DNTT: variants seen among roughly 807,000 people sequenced by gnomAD.
DNTT encodes DNA nucleotidylexotransferase, also known as nucleosidetriphosphate:DNA deoxynucleotidylexotransferase.
Under a neutral mutation model 60.9 loss-of-function variants are expected in DNTT, and 47 were observed. The observed-to-expected ratio is 0.77, with a 90% CI of 0.61 to 0.98. The LOEUF (loss-of-function observed/expected upper bound fraction) is 0.98, where lower values mean the gene tolerates loss of function less well. DNTT is among the 50% of genes least tolerant of loss of function. DNTT has a pLI of 0.00. For missense variants in DNTT, 665 were observed against 627.5 expected (o/e 1.06, Z -0.64); for synonymous variants, 224 against 221.2 (o/e 1.01, Z -0.11).
intron 1 of DNTT, among the ~76,000 whole-genome samples, chr10:96,313,729 T>C (rs1844749359): frequency 6.6e-6 from 1 of 152,228 alleles, no homozygotes; most frequent in South Asian, 2.1e-4. Flanking sequence ...TGCCAGTATT[T>C]ATTGTTGGTT....
Position 96,329,591 on chromosome 10 carries a change from G to A in DNTT, c.1113+761G>A, listed in dbSNP as rs796560006. Among the ~76,000 whole-genome samples the A allele has an allele frequency of 1.6e-4, 25 of 152,302 alleles. 1 individual carries two copies. Among genetic ancestry groups the A allele is most frequent in the African/African-American group, 6.0e-4 (25 of 41,562 alleles). Reference sequence around the variant, plus strand: ...CTGTTTGGTGTGGACCAAGCTTACTGATATCCCAGAAAAGGAAAACCTCAG... The same window carrying A: ...CTGTTTGGTGTGGACCAAGCTTACTAATATCCCAGAAAAGGAAAACCTCAG... On this transcript the variant is annotated intron_variant, in intron 8 of 10. Transcript: ENST00000371174.
chr10:96,320,762 G>A lies in DNTT; in HGVS notation c.652G>A (p.Gly218Arg), dbSNP rs1226882727. ...GGACACAGAAGGAATTCCCTGCCTG[G>A]GGTCCAAGGTGAAGGGTATCATAGA... ...MKDTEGIPCL[G>R]SKVKGIIEEI... The change falls in exon 4 of 11, where the codon GGG becomes AGG. Residue 218 changes from glycine (G) to arginine (R), a missense_variant. Coordinates refer to ENST00000371174, the MANE Select transcript of DNTT (RefSeq NM_004088.4). 5.0e-6 allele frequency: 8 copies of A among 1,613,738 alleles called. No homozygotes were observed. The Admixed American group carries it at 1.2e-4, about 24-fold the overall frequency.
intron 1 of DNTT, among the ~76,000 whole-genome samples, chr10:96,307,703 G>GTATATATATATATATATATATA (rs1344781767): frequency 8.5e-5 from 3 of 35,288 alleles, no homozygotes; most frequent in African/African-American, 2.6e-4. Context: ...GTGTGTGTGT[G>GTATATATATATATATATATATA]TGTATATATA....
At chr10:96,333,065 T>C (rs1564875330) in intron 9 of DNTT, among the ~76,000 whole-genome samples, 1 of 152,116 alleles carries the variant, frequency 6.6e-6, no homozygotes, top group Non-Finnish European at 1.5e-5. Flanking sequence ...CTGCACATCA[T>C]ACATCACATA....
At position 96,332,390 on chromosome 10, in the gene DNTT, G is replaced by T; in HGVS notation, c.1153G>T (p.Glu385Ter). 1 of 1,614,126 alleles carries T rather than the reference G, an allele frequency of 6.2e-7. No homozygotes were observed. The highest frequency in any genetic ancestry group is 1.1e-5 in the South Asian group (1 of 91,066). Reference protein sequence around the residue: ...LYYDLVESTFEKLRLPSRKVD... With the variant: ...LYYDLVESTF ...TTATGACCTTGTGGAGTCAACATTTGAAAAGCTCAGGTTGCCTAGCAGGAA... is the reference window on the plus strand; with the variant it reads ...TTATGACCTTGTGGAGTCAACATTTTAAAAGCTCAGGTTGCCTAGCAGGAA... The change falls in exon 9 of 11, where the codon GAA becomes TAA. Residue 385 changes from glutamate to a stop codon, truncating the protein, a stop_gained. Coordinates refer to ENST00000371174, the MANE Select transcript of DNTT (RefSeq NM_004088.4). LOFTEE classifies it high-confidence loss of function.
intron 5 of DNTT, among the ~76,000 whole-genome samples, chr10:96,323,616 C>T (rs1295754472): frequency 6.6e-6 from 1 of 152,076 alleles, no homozygotes; most frequent in East Asian, 1.9e-4. Context: ...TCTTAAAGAG[C>T]AGATTTGTGT....
intron 1 of DNTT, among the ~76,000 whole-genome samples, chr10:96,313,597 A>G (rs1337979234): frequency 6.6e-6 from 1 of 152,192 alleles, no homozygotes; most frequent in African/African-American, 2.4e-5. Context: ...CTGTGATTAC[A>G]TTGCCTACTG....
At position 96,304,694 on chromosome 10, in the gene DNTT, A is replaced by T. The variant is rs754044431; in HGVS notation, c.197A>T (p.Glu66Val). 6.8e-6 allele frequency: 11 copies of T among 1,613,886 alleles called. No homozygotes were observed. The Admixed American group carries it at 1.8e-4, about 27-fold the overall frequency. ...AGGAAAGGGTTCAGGGTTGAAAATG[A>T]GCTCAGGTAGGACAGCATCGATCTT... ...ARRKGFRVEN[E>V]LSDSVTHIVA... Residue 66 changes from glutamate to valine, a missense_variant, in exon 1 of 11, where the codon GAG (glutamate) becomes GTG (valine). By Grantham distance (121) the Glu-to-Val change is moderately radical. Coordinates refer to ENST00000371174, the MANE Select transcript of DNTT (RefSeq NM_004088.4).
In DNTT at chr10:96,318,536, A is replaced by G. The variant is rs767494609; in HGVS notation, c.378+10A>G. 1 of 1,611,864 alleles carries G rather than the reference A, an allele frequency of 6.2e-7. No homozygotes were observed. Among genetic ancestry groups the G allele is most frequent in the Non-Finnish European group, 8.5e-7 (1 of 1,178,706 alleles). On this transcript the variant is annotated intron_variant, in intron 2 of 10. Coordinates refer to ENST00000371174, the MANE Select transcript of DNTT (RefSeq NM_004088.4). ...AAAACACCAGCTTGTTGTAAGTGTC[A>G]TGGGTGTGATTTTCACTGTTCTTTG... is the stretch of plus-strand genomic sequence containing the variant.
At chr10:96,305,216 A>G (rs1052369339) in intron 1 of DNTT, among the ~76,000 whole-genome samples, 1 of 152,132 alleles carries the variant, frequency 6.6e-6, no homozygotes, top group Admixed American at 6.6e-5. Flanking sequence ...ACATTTTTCC[A>G]AAGAGTGGTC....
At chr10:96,323,857 C>A (rs1051029485) in intron 5 of DNTT, among the ~76,000 whole-genome samples, 1 of 152,106 alleles carries the variant, frequency 6.6e-6, no homozygotes, top group Admixed American at 6.5e-5. Context: ...GGTGGAGAAA[C>A]TATATAACCT....
At position 96,328,727 on chromosome 10, in the gene DNTT, G is replaced by A; in HGVS notation, c.1010G>A (p.Gly337Asp). Residue 337 changes from glycine to aspartate, a missense_variant and splice_region_variant, in exon 8 of 11, where the codon GGT (glycine) becomes GAT (aspartate). Coordinates refer to ENST00000371174, the MANE Select transcript of DNTT (RefSeq NM_004088.4). ...TTTATACTGCTTTTGAAAATTAGGG[G>A]TAAGAAGATGGGGCATGATGTAGAT... is the stretch of plus-strand genomic sequence containing the variant. ...FVTMTGGFRR[G>D]KKMGHDVDFL... 1 of 1,611,222 alleles carries A rather than the reference G, an allele frequency of 6.2e-7. No homozygotes were observed. Among genetic ancestry groups the A allele is most frequent in the South Asian group, 1.1e-5 (1 of 89,962 alleles).
At chr10:96,336,107 A>G in intron 10 of DNTT, 133 bp downstream of exon 10, 1 of 859,706 alleles carries the variant, frequency 1.2e-6, no homozygotes, top group Admixed American at 2.1e-5. Context: ...CCAGTTCATC[A>G]TAGTTGAGGG....
intron 8 of DNTT, 48 bp downstream of exon 8, chr10:96,328,878 C>G (rs1227343208): frequency 1.3e-6 from 2 of 1,565,696 alleles, no homozygotes. Context: ...ATTATGTTAA[C>G]ACTTGAATTT....
At chr10:96,314,828 A>C (rs1009196131) in intron 1 of DNTT, among the ~76,000 whole-genome samples, 5 of 152,198 alleles carry the variant, frequency 3.3e-5, no homozygotes, top group Non-Finnish European at 7.3e-5. Context: ...TAATATTCTA[A>C]TATTGTTAAC....
chr10:96,333,037 C>G (rs765249205), intron 9 of DNTT, among the ~76,000 whole-genome samples: 2 of 152,112 alleles, frequency 1.3e-5, no homozygotes, highest in Non-Finnish European at 2.9e-5. Context: ...AGGCAACTCA[C>G]AGATTGGGAA....
chr10:96,325,188 T>G (rs537609079), intron 6 of DNTT, among the ~76,000 whole-genome samples: 1 of 152,162 alleles, frequency 6.6e-6, no homozygotes, highest in Non-Finnish European at 1.5e-5. Context: ...AAAAATACAA[T>G]ACAGTTGTGA....
At chr10:96,318,647 A>G (rs1467573730) in intron 2 of DNTT, 121 bp downstream of exon 2, 3 of 1,216,920 alleles carry the variant, frequency 2.5e-6, no homozygotes, top group Non-Finnish European at 3.4e-6. Context: ...GACCTTGGGC[A>G]AGTCACTTAG....
At chr10:96,310,997 A>T (rs1241586779) in intron 1 of DNTT, among the ~76,000 whole-genome samples, 1 of 152,258 alleles carries the variant, frequency 6.6e-6, no homozygotes, top group Admixed American at 6.5e-5. Context: ...TAAATTAACA[A>T]AAAATTTCTT....
Sources: allele counts gnomAD v4.1 joint callset (sites outside exome capture counted in the v4.1 genomes callset), GRCh38; gene constraint gnomAD v4.1.1; transcripts MANE v1.5; gene names NCBI Gene and HGNC (gene_info 2026-07-23, HGNC 2026-07-21).